MYCBP2: variants seen among roughly 807,000 people sequenced by gnomAD.
MYCBP2 encodes the protein MYC binding protein 2.
A neutral mutation model predicts 525.3 loss-of-function variants in MYCBP2; 120 were observed. The observed-to-expected ratio is 0.23, with a 90% CI of 0.20 to 0.27. The LOEUF is 0.27. Among genes scored for constraint, MYCBP2 ranks in the 10% least tolerant of loss-of-function variants. The pLI is 1.00. For missense variants in MYCBP2, 4,149 were observed against 5,657.1 expected, an observed-to-expected ratio of 0.73 and a Z score of 8.55; for synonymous variants, 1,894 against 1,955.8, an observed-to-expected ratio of 0.97 and a Z score of 0.83.
intron 59 of MYCBP2, among the ~76,000 whole-genome samples, chr13:77,092,853 T>C (rs1263704413): frequency 1.3e-5 from 2 of 152,192 alleles, no homozygotes; most frequent in Admixed American, 1.3e-4. Flanking sequence ...GTTTAAGATT[T>C]ATTTTCAATG....
At chr13:77,155,384 A>G (rs1172924977) in intron 46 of MYCBP2, among the ~76,000 whole-genome samples, 2 of 152,170 alleles carry the variant, frequency 1.3e-5, no homozygotes, top group East Asian at 1.9e-4. Context: ...CTATAAGACA[A>G]CTTTGAAGGA....
intron 53 of MYCBP2, among the ~76,000 whole-genome samples, chr13:77,125,746 G>A (rs2051540414): frequency 6.6e-6 from 1 of 152,090 alleles, no homozygotes; most frequent in African/African-American, 2.4e-5. Context: ...AGAACACATG[G>A]CTCATTTTCT....
intron 1 of MYCBP2, among the ~76,000 whole-genome samples, chr13:77,309,568 TC>T (rs1247625911): frequency 6.6e-6 from 1 of 152,190 alleles, no homozygotes. Flanking sequence ...TTCCTCCCTT[TC>T]TATCTAGATG....
chr13:77,171,716 G>A lies in MYCBP2; in HGVS notation c.5652-82C>T, dbSNP rs573706177. 160 of 1,304,732 alleles carry A rather than the reference G, an allele frequency of 1.2e-4. 1 individual carries two copies. In the East Asian group the frequency reaches 3.3e-3, roughly 27 times the overall value. The allele number at this position is 1,304,732 out of a possible 1,614,324, so 80.8% of individuals were successfully genotyped here. A position where few individuals can be genotyped will look rare whatever the true frequency, so the allele number is the denominator to read the frequency against. On this transcript the variant is annotated intron_variant, in intron 37 of 82. Coordinates refer to ENST00000544440, the MANE Select transcript of MYCBP2 (RefSeq NM_015057.5). ...TGCCAGAAATCATATCTAGATCTGA[G>A]ATCCTCATTTAATTTATAGCTTTTT...
chr13:77,257,960 A>G (rs2072535501), intron 13 of MYCBP2, 131 bp from the exon 14 acceptor site: 1 of 655,988 alleles, frequency 1.5e-6, no homozygotes, highest in Non-Finnish European at 2.4e-6. Context: ...TAAGTAGCCA[A>G]AAGACTGGCA....
At chr13:77,089,321 A>T (rs1227749445) in intron 60 of MYCBP2, among the ~76,000 whole-genome samples, 1 of 152,156 alleles carries the variant, frequency 6.6e-6, no homozygotes, top group Non-Finnish European at 1.5e-5. Context: ...TATTTTCTCT[A>T]AATGAAATCT....
At position 77,185,092 on chromosome 13, in the gene MYCBP2, A is replaced by G; in HGVS notation, c.4719+11T>C. ...CAGATTTTCAACTAACATTTTACAA[A>G]CTTAAATTACCTGATCCAAACAATT... On this transcript the variant is annotated intron_variant, in intron 32 of 82. Coordinates refer to ENST00000544440, the MANE Select transcript of MYCBP2 (RefSeq NM_015057.5). 1 of 1,606,370 alleles carries G rather than the reference A, an allele frequency of 6.2e-7. No individual in the cohort carries two copies.
chr13:77,130,849 T>G (rs1330552541), intron 52 of MYCBP2, among the ~76,000 whole-genome samples: 1 of 152,156 alleles, frequency 6.6e-6, no homozygotes, highest in Non-Finnish European at 1.5e-5. Context: ...GAAAGGCAAT[T>G]GTTAAAAGTA....
intron 52 of MYCBP2, among the ~76,000 whole-genome samples, chr13:77,128,968 A>C (rs1014769986): frequency 2.6e-5 from 4 of 152,042 alleles, no homozygotes; most frequent in Admixed American, 2.6e-4. Flanking sequence ...GTCATGTGGA[A>C]GTATCACTTA....
At chr13:77,143,232 G>A (rs112676620) in intron 49 of MYCBP2, among the ~76,000 whole-genome samples, 268 of 152,304 alleles carry the variant, frequency 1.8e-3, no homozygotes, top group African/African-American at 5.5e-3. Context: ...TTACTTTTGC[G>A]TCTGTGAGGG....
chr13:77,131,820 T>C (rs2052915713), intron 52 of MYCBP2, among the ~76,000 whole-genome samples: 3 of 152,168 alleles, frequency 2.0e-5, no homozygotes, highest in African/African-American at 7.2e-5. Context: ...GGAATCTAAC[T>C]AAATTAATGA....
At chr13:77,128,911 T>C (rs560659859) in intron 52 of MYCBP2, among the ~76,000 whole-genome samples, 2 of 152,144 alleles carry the variant, frequency 1.3e-5, no homozygotes, top group Admixed American at 6.5e-5. Context: ...ATCTTAGATA[T>C]AGTCATTGGA....
intron 68 of MYCBP2, chr13:77,075,913 TG>T (rs2042213092): frequency 1.3e-5 from 2 of 152,152 alleles, no homozygotes; most frequent in African/African-American, 2.4e-5. Context: ...AACAGGACAA[TG>T]ATTAGATACT....
intron 4 of MYCBP2, among the ~76,000 whole-genome samples, chr13:77,278,022 C>T (rs938143181): frequency 2.0e-5 from 3 of 152,090 alleles, no homozygotes; most frequent in East Asian, 1.9e-4. Flanking sequence ...AGGCAAGAAT[C>T]GGAACATACT....
At chr13:77,176,358 C>A (rs1009120287) in intron 36 of MYCBP2, 139 bp downstream of exon 36, 2 of 577,460 alleles carry the variant, frequency 3.5e-6, no homozygotes, top group Non-Finnish European at 2.7e-6. Context: ...AGTAGGTACT[C>A]CATAAATATT....
chr13:77,279,968 A>G (rs1050404423), intron 3 of MYCBP2, among the ~76,000 whole-genome samples: 3 of 152,196 alleles, frequency 2.0e-5, no homozygotes, highest in East Asian at 3.8e-4. Flanking sequence ...TTATCTTCCA[A>G]TATACAAGGA....
intron 44 of MYCBP2, 66 bp downstream of exon 44, chr13:77,161,840 G>T: frequency 8.1e-7 from 1 of 1,238,742 alleles, no homozygotes; most frequent in South Asian, 1.3e-5. Context: ...CAAATAGGCT[G>T]ATCTGAGTGA....
At chr13:77,128,020 G>T (rs2052003020) in intron 52 of MYCBP2, among the ~76,000 whole-genome samples, 2 of 151,702 alleles carry the variant, frequency 1.3e-5, no homozygotes, top group African/African-American at 2.4e-5. Context: ...ACGGAAATGA[G>T]AATTTTAAAC....
Position 77,243,860 on chromosome 13 carries a change from G to C in MYCBP2, c.2473C>G (p.Gln825Glu), listed in dbSNP as rs955907667. The C allele has an allele frequency of 6.2e-6, 10 of 1,612,080 alleles. No individual in the cohort carries two copies. The highest frequency in any genetic ancestry group is 8.5e-6 in the Non-Finnish European group (10 of 1,179,616). ...ARELDGQEAR[Q>E]RGILDAVKEM... ...TTCACTGCATCAAGAATTCCTCTTT[G>C]TCTTGCCTCTTGACCATCTAACTCT... Residue 825 changes from glutamine (Q) to glutamate (E), a missense_variant, in exon 16 of 83, where the codon CAA becomes GAA. By Grantham distance (29) the Gln-to-Glu change is conservative (BLOSUM62 2). Around this residue, in one of 21 missense-constraint regions of MYCBP2, gnomAD observed 620 missense variants for 795.5 expected, o/e 0.78. Coordinates refer to ENST00000544440, the MANE Select transcript of MYCBP2 (RefSeq NM_015057.5).
Sources: gnomAD v4.1 joint callset for allele counts (sites outside exome capture counted in the v4.1 genomes callset) on GRCh38, gnomAD v4.1.1 for gene constraint, gnomAD v4.1.1 regional missense constraint, MANE v1.5 for transcripts, NCBI Gene and HGNC (gene_info 2026-07-23, HGNC 2026-07-21) for gene names.